SESTD1: variants seen among roughly 807,000 people sequenced by gnomAD.
The protein encoded by SESTD1 is SEC14 domain and spectrin repeat-containing protein 1.
In SESTD1, 43 loss-of-function variants were observed where a neutral mutation model predicts 101.7. The observed-to-expected ratio is 0.42, with a 90% CI of 0.33 to 0.55. The LOEUF is 0.55. Ranked by LOEUF, SESTD1 falls within the 20% of genes least tolerant of loss-of-function variation. The probability of loss-of-function intolerance (pLI) is 0.07; values close to 1 mark genes in which losing one functional copy is unlikely to be tolerated. For missense variants in SESTD1, 647 were observed against 815.1 expected (o/e 0.79, Z 2.51); for synonymous variants, 283 against 286.8 (o/e 0.99, Z 0.13).
rs1276220671 is a variant in SESTD1, at chr2:179,104,840, A to G, written c.*5059T>C. The G allele has an allele frequency of 6.6e-6, 1 of 152,116 alleles. No homozygotes were observed. Among genetic ancestry groups the G allele is most frequent in the African/African-American group, 2.4e-5 (1 of 41,444 alleles). 9.4% of individuals were successfully genotyped at this position (152,116 alleles called of 1,614,324 possible). ...CACTGCTTTCAAAATATTTCATCAT[A>G]GTTCTGGCTGTCTTTTGATCTCTAA... is the stretch of plus-strand genomic sequence containing the variant. On this transcript the variant is annotated 3_prime_UTR_variant, in exon 18 of 18. Transcript: ENST00000428443.
chr2:179,235,302 G>C (rs2047050640), intron 1 of SESTD1, among the ~76,000 whole-genome samples: 1 of 152,126 alleles, frequency 6.6e-6, no homozygotes, highest in African/African-American at 2.4e-5. Flanking sequence ...AAATGGTTCA[G>C]AAACAAATAC....
rs551359338 is a variant in SESTD1 at position 179,172,056 on chromosome 2, A to C, written c.369+64T>G. On this transcript the variant is annotated intron_variant, in intron 5 of 17. Coordinates refer to ENST00000428443, the MANE Select transcript of SESTD1 (RefSeq NM_178123.5). ...AGTAACCAATGCTGAACGGTCAAAA[A>C]TAATTTCAGTAAAATACTATTTTTA... 110 of 1,118,290 alleles carry C rather than the reference A, an allele frequency of 9.8e-5. 2 individuals carry two copies. Among genetic ancestry groups the C allele is most frequent in the Non-Finnish European group, 1.3e-4 (101 of 758,966 alleles). The allele number at this position is 1,118,290 out of a possible 1,614,324, so 69.3% of individuals were successfully genotyped here.
chr2:179,127,707 G>A (rs1228981572), intron 10 of SESTD1, among the ~76,000 whole-genome samples: 3 of 152,164 alleles, frequency 2.0e-5, no homozygotes, highest in Admixed American at 2.0e-4. Context: ...TGCTGAGGAT[G>A]AGAAATCCTC....
chr2:179,178,614 A>G (rs1197045466), intron 3 of SESTD1, among the ~76,000 whole-genome samples: 2 of 152,322 alleles, frequency 1.3e-5, no homozygotes, highest in Middle Eastern at 3.4e-3. Flanking sequence ...TACAAGCCCA[A>G]GAGTGATCAG....
At chr2:179,182,456 T>C (rs1378647515) in intron 3 of SESTD1, among the ~76,000 whole-genome samples, 3 of 152,142 alleles carry the variant, frequency 2.0e-5, no homozygotes, top group African/African-American at 7.2e-5. Flanking sequence ...GAAAAAAATC[T>C]CCAGATGACT....
At chr2:179,136,904 T>C (rs907695437) in intron 9 of SESTD1, among the ~76,000 whole-genome samples, 1 of 152,132 alleles carries the variant, frequency 6.6e-6, no homozygotes, top group Non-Finnish European at 1.5e-5. Context: ...TATGTATATA[T>C]ATATGGCCTT....
At chr2:179,229,775 A>ATATATATATATATATATATATT (rs2046952608) in intron 1 of SESTD1, among the ~76,000 whole-genome samples, 1 of 116,458 alleles carries the variant, frequency 8.6e-6, no homozygotes, top group Non-Finnish European at 1.7e-5. Context: ...ATATATATAT[A>ATATATATATATATATATATATT]CTCAAATACA....
chr2:179,199,099 G>T (rs928944225), intron 1 of SESTD1, among the ~76,000 whole-genome samples: 1 of 151,820 alleles, frequency 6.6e-6, no homozygotes, highest in Non-Finnish European at 1.5e-5. Context: ...TCAAATAGAC[G>T]CAATAAAAAA....
At chr2:179,172,489 T>C (rs2045943922) in intron 4 of SESTD1, among the ~76,000 whole-genome samples, 1 of 152,228 alleles carries the variant, frequency 6.6e-6, no homozygotes, top group African/African-American at 2.4e-5. Context: ...TTTGTTTTAC[T>C]GAATCTCTGT....
intron 12 of SESTD1, among the ~76,000 whole-genome samples, chr2:179,122,260 T>C (rs1026597692): frequency 2.0e-5 from 3 of 151,236 alleles, no homozygotes; most frequent in Non-Finnish European, 3.0e-5. Flanking sequence ...AAAACAATTT[T>C]CTGTTTTTTC....
At chr2:179,176,349 G>T in intron 4 of SESTD1, 99 bp downstream of exon 4, 1 of 851,374 alleles carries the variant, frequency 1.2e-6, no homozygotes. Context: ...CTGCTAGGAA[G>T]CCAGGCACAG....
At chr2:179,137,696 G>A (rs2045181838) in intron 9 of SESTD1, among the ~76,000 whole-genome samples, 1 of 152,184 alleles carries the variant, frequency 6.6e-6, no homozygotes, top group Non-Finnish European at 1.5e-5. Context: ...AATTTGAACT[G>A]TGGGGGAATC....
chr2:179,255,006 G>T (rs903190952), intron 1 of SESTD1, among the ~76,000 whole-genome samples: 1 of 152,104 alleles, frequency 6.6e-6, no homozygotes, highest in Non-Finnish European at 1.5e-5. Context: ...TGTTACTACT[G>T]TAATTGTTTG....
chr2:179,130,822 G>T (rs2044995639), intron 10 of SESTD1, among the ~76,000 whole-genome samples: 1 of 151,542 alleles, frequency 6.6e-6, no homozygotes, highest in Non-Finnish European at 1.5e-5. Context: ...ACATGTTCTA[G>T]AACAGTCTAC....
chr2:179,227,193 T>C (rs751458658), intron 1 of SESTD1, among the ~76,000 whole-genome samples: 2 of 152,226 alleles, frequency 1.3e-5, no homozygotes, highest in Non-Finnish European at 2.9e-5. Context: ...TATCTATATT[T>C]CAAAACTTGG....
Position 179,172,221 on chromosome 2 carries a change from C to G in SESTD1, c.268G>C (p.Ala90Pro), listed in dbSNP as rs757701505. 3 of 1,598,498 alleles carry G rather than the reference C, an allele frequency of 1.9e-6. No homozygotes were observed. In the Admixed American group the frequency reaches 5.1e-5, roughly 27 times the overall value. Residue 90 changes from alanine to proline, a missense_variant, in exon 5 of 18, where the codon GCT becomes CCT. Coordinates refer to ENST00000428443, the MANE Select transcript of SESTD1 (RefSeq NM_178123.5). Reference sequence around the variant, plus strand: ...ACCACACAAACAAGGGACACCTCAGCTGGAACAACATTCTATAAAATACAG... The same window carrying G: ...ACCACACAAACAAGGGACACCTCAGGTGGAACAACATTCTATAAAATACAG... ...VVVMLQNVVP[A>P]EVSLVCVVKP...
intron 1 of SESTD1, among the ~76,000 whole-genome samples, chr2:179,248,121 T>A (rs2047260784): frequency 6.6e-6 from 1 of 151,878 alleles, no homozygotes; most frequent in African/African-American, 2.4e-5. Flanking sequence ...AACAGAGATC[T>A]CATGGCAGAC....
Position 179,152,881 on chromosome 2 carries a change from A to G in SESTD1, c.370-1490T>C, listed in dbSNP as rs1420431970. 3.3e-5 allele frequency among the ~76,000 whole-genome samples: 5 copies of G among 152,284 alleles called. No homozygotes were observed. The East Asian group carries it at 7.7e-4, about 23-fold the overall frequency. ...GAAGTCAGGAGAGGAAAAAGACAGA[A>G]TAAGTCCAAAGAAAATAGAAGAAAG... is the stretch of plus-strand genomic sequence containing the variant. On this transcript the variant is annotated intron_variant, in intron 5 of 17. Coordinates refer to ENST00000428443, the MANE Select transcript of SESTD1 (RefSeq NM_178123.5).
At chr2:179,132,790 C>T (rs906257057) in intron 9 of SESTD1, among the ~76,000 whole-genome samples, 12 of 152,282 alleles carry the variant, frequency 7.9e-5, no homozygotes, top group Admixed American at 2.0e-4. Context: ...TGATATCAGT[C>T]AAAGTTCTTA....
Sources: allele counts gnomAD v4.1 joint callset (sites outside exome capture counted in the v4.1 genomes callset), GRCh38; gene constraint gnomAD v4.1.1; transcripts MANE v1.5; gene names NCBI Gene and HGNC (gene_info 2026-07-23, HGNC 2026-07-21).